GABRA1: variants seen among roughly 807,000 people sequenced by gnomAD.
GABRA1 encodes gamma-aminobutyric acid receptor subunit alpha-1.
Under a neutral mutation model 48.9 loss-of-function variants are expected in GABRA1, and 9 were observed. That is an observed-to-expected ratio of 0.18 (90% CI 0.11 to 0.32). The LOEUF is 0.32. GABRA1 is among the 10% of genes least tolerant of loss of function. GABRA1 has a pLI of 1.00. For missense variants in GABRA1, 285 were observed against 553.8 expected, an observed-to-expected ratio of 0.51 and a Z score of 4.87; for synonymous variants, 210 against 198.7, an observed-to-expected ratio of 1.06 and a Z score of -0.48.
rs771228034 is a variant in GABRA1, at chr5:161,875,544, CTA to C, written c.477-14_477-13del. On this transcript the variant is annotated splice_polypyrimidine_tract_variant and intron_variant, in intron 5 of 9. Transcript: ENST00000393943. Reference sequence around the variant, plus strand: ...AATCTATATGGCTCTTGTTTGTATTCTATGTTTCCCTTAAGGCTGACAGTGAG... The same window carrying C: ...AATCTATATGGCTCTTGTTTGTATTCTGTTTCCCTTAAGGCTGACAGTGAG... 1.1e-5 allele frequency: 17 copies of C among 1,603,998 alleles called. No homozygotes were observed. In the South Asian group the frequency reaches 1.4e-4, roughly 13 times the overall value.
At chr5:161,863,695 A>G (rs1303074666) in intron 3 of GABRA1, among the ~76,000 whole-genome samples, 1 of 152,014 alleles carries the variant, frequency 6.6e-6, no homozygotes, top group Non-Finnish European at 1.5e-5. Flanking sequence ...ATTCCAGGAA[A>G]GGAAATTTTA....
intron 3 of GABRA1, among the ~76,000 whole-genome samples, chr5:161,862,650 C>T (rs1757907853): frequency 6.6e-6 from 1 of 151,898 alleles, no homozygotes; most frequent in Non-Finnish European, 1.5e-5. Context: ...TACAGAGGAA[C>T]AGAAGCATTT....
chr5:161,853,303 T>G (rs1293855354), intron 2 of GABRA1, among the ~76,000 whole-genome samples: 2 of 151,786 alleles, frequency 1.3e-5, no homozygotes, highest in African/African-American at 4.8e-5. Flanking sequence ...ACAGGCTACA[T>G]CTCCAACTAG....
rs368360804 is a variant in GABRA1, at chr5:161,854,275, G to A, written c.187+5G>A. Reference sequence around the variant, plus strand: ...GCCTGAGACCAGGATTGGGAGGTAGGTTGCATTATTGTATTTTTGTTTTAG... The same window carrying A: ...GCCTGAGACCAGGATTGGGAGGTAGATTGCATTATTGTATTTTTGTTTTAG... On this transcript the variant is annotated splice_donor_5th_base_variant and intron_variant, in intron 3 of 9. Transcript: ENST00000393943. The A allele has an allele frequency of 6.2e-6, 9 of 1,457,856 alleles. No homozygotes were observed. The highest frequency in any genetic ancestry group is 2.3e-5 in the East Asian group (1 of 44,036). 90.3% of individuals were successfully genotyped at this position (1,457,856 alleles called of 1,614,324 possible).
Position 161,853,368 on chromosome 5 carries a change from G to T in GABRA1, c.75-790G>T, listed in dbSNP as rs71612907. ...TATAGAAGAAGAAAATAAAGTTTCA[G>T]ACTAGAATTTGAAGAAAGCTAGGTT... On this transcript the variant is annotated intron_variant, in intron 2 of 9. Coordinates refer to ENST00000393943, the MANE Select transcript of GABRA1 (RefSeq NM_001127644.2). 1.3e-3 allele frequency among the ~76,000 whole-genome samples: 195 copies of T among 151,910 alleles called. 1 individual carries two copies. Among genetic ancestry groups the T allele is most frequent in the African/African-American group, 4.3e-3 (180 of 41,514 alleles).
chr5:161,874,053 T>G (rs1241220570), intron 5 of GABRA1, among the ~76,000 whole-genome samples: 1 of 152,202 alleles, frequency 6.6e-6, no homozygotes, highest in African/African-American at 2.4e-5. Context: ...GAACTCATTC[T>G]TGAGAGCAGC....
chr5:161,894,392 C>T (rs1412904284), intron 8 of GABRA1, among the ~76,000 whole-genome samples: 1 of 152,092 alleles, frequency 6.6e-6, no homozygotes, highest in Non-Finnish European at 1.5e-5. Flanking sequence ...ATTTACAAGT[C>T]ATTGCATTTA....
At chr5:161,863,796 C>T (rs1375772025) in intron 3 of GABRA1, among the ~76,000 whole-genome samples, 2 of 151,614 alleles carry the variant, frequency 1.3e-5, no homozygotes, top group Admixed American at 1.3e-4. Context: ...TTATATACGC[C>T]TCAAGCGTAC....
Position 161,873,302 on chromosome 5 carries a change from G to T in GABRA1, c.441G>T (p.Arg147=), listed in dbSNP as rs190024862. The part of the protein sequence containing the change: ...HNMTMPNKLL[R]ITEDGTLLYT... ...TGACCATGCCCAACAAACTCCTGCG[G>T]ATCACAGAGGATGGCACCTTGCTGT... is the stretch of plus-strand genomic sequence containing the variant. The change falls in exon 5 of 10, where the codon CGG becomes CGT. Residue 147 remains arginine, a synonymous_variant. Transcript: ENST00000393943. 4.0e-4 allele frequency: 638 copies of T among 1,613,754 alleles called. 1 individual carries two copies. The highest frequency in any genetic ancestry group is 6.6e-4 in the Middle Eastern group (4 of 6,058).
chr5:161,891,142 A>G (rs1303094488), intron 8 of GABRA1, 92 bp downstream of exon 8: 7 of 1,132,180 alleles, frequency 6.2e-6, no homozygotes, highest in Non-Finnish European at 9.4e-6. Flanking sequence ...AAAAAAAAAT[A>G]TACACTCAAA....
chr5:161,856,414 A>G (rs1349745620), intron 3 of GABRA1, among the ~76,000 whole-genome samples: 1 of 151,418 alleles, frequency 6.6e-6, no homozygotes, highest in Non-Finnish European at 1.5e-5. Flanking sequence ...TAGTGAAATG[A>G]GCCTAATATG....
intron 2 of GABRA1, among the ~76,000 whole-genome samples, chr5:161,853,318 G>A (rs972198481): frequency 1.3e-5 from 2 of 151,754 alleles, no homozygotes; most frequent in Admixed American, 1.3e-4. Flanking sequence ...AACTAGCAAC[G>A]TTTAAATATA....
At chr5:161,861,226 T>A (rs554243243) in intron 3 of GABRA1, among the ~76,000 whole-genome samples, 1 of 151,884 alleles carries the variant, frequency 6.6e-6, no homozygotes, top group South Asian at 2.1e-4. Context: ...TTATACTGAT[T>A]ACTCACTGCA....
chr5:161,851,786 G>C (rs1467333412), intron 2 of GABRA1, among the ~76,000 whole-genome samples: 1 of 152,024 alleles, frequency 6.6e-6, no homozygotes, highest in Admixed American at 6.6e-5. Context: ...TATTGTGTAT[G>C]GTAAACACTG....
rs1754188433 is a variant in GABRA1 at position 161,872,974 on chromosome 5, G to C, written c.256-143G>C. On this transcript the variant is annotated intron_variant, in intron 4 of 9. Coordinates refer to ENST00000393943, the MANE Select transcript of GABRA1 (RefSeq NM_001127644.2). Reference sequence around the variant, plus strand: ...ATTCTCCTGACATCAACATGTACATGCTATCACACGTTTACTTCTAAAAAC... The same window carrying C: ...ATTCTCCTGACATCAACATGTACATCCTATCACACGTTTACTTCTAAAAAC... 8 of 711,144 alleles carry C rather than the reference G, an allele frequency of 1.1e-5. No homozygotes were observed. In the South Asian group the frequency reaches 1.3e-4, roughly 11 times the overall value. The allele number at this position is 711,144 out of a possible 1,614,324, so 44.1% of individuals were successfully genotyped here.
In GABRA1 at chr5:161,882,574, A is replaced by T. The variant is rs1319609279; in HGVS notation, c.576A>T (p.Ala192=). Residue 192 remains alanine, a synonymous_variant, in exon 7 of 10, where the codon GCA becomes GCT. Coordinates refer to ENST00000393943, the MANE Select transcript of GABRA1 (RefSeq NM_001127644.2). ...LKFGSYAYTR[A]EVVYEWTREP... The stretch of plus-strand genomic sequence containing the variant: ...TCCTTTTAGATGCTTATACAAGAGC[A>T]GAAGTTGTTTATGAATGGACCAGAG... 5 of 1,613,474 alleles carry T rather than the reference A, an allele frequency of 3.1e-6. No individual in the cohort carries two copies. The highest frequency in any genetic ancestry group is 4.2e-6 in the Non-Finnish European group (5 of 1,179,674).
intron 3 of GABRA1, among the ~76,000 whole-genome samples, chr5:161,858,929 C>A (rs1360481687): frequency 1.3e-5 from 2 of 151,688 alleles, no homozygotes; most frequent in Admixed American, 1.3e-4. Context: ...GCAAAGGAAA[C>A]AGAGATGATT....
At chr5:161,891,512 A>G (rs1183931382) in intron 8 of GABRA1, among the ~76,000 whole-genome samples, 1 of 152,176 alleles carries the variant, frequency 6.6e-6, no homozygotes, top group East Asian at 1.9e-4. Context: ...TACAGGAATA[A>G]GTCACTTTAC....
intron 4 of GABRA1, among the ~76,000 whole-genome samples, chr5:161,869,401 C>T (rs1484248879): frequency 2.0e-5 from 3 of 152,090 alleles, no homozygotes; most frequent in African/African-American, 7.2e-5. Flanking sequence ...CAACTTGAAC[C>T]CAGGTTATTT....
Sources: allele counts gnomAD v4.1 joint callset (sites outside exome capture counted in the v4.1 genomes callset), GRCh38; gene constraint gnomAD v4.1.1; transcripts MANE v1.5; gene names NCBI Gene and HGNC (gene_info 2026-07-23, HGNC 2026-07-21).